Variants in DDHD1 observed in about 807,000 individuals in gnomAD.
DDHD1 encodes phospholipase DDHD1.
DDHD1 carries 49 observed loss-of-function variants against 96.4 expected under a neutral mutation model. That is an observed-to-expected ratio of 0.51 (90% CI 0.40 to 0.64). The LOEUF is 0.64. Ranked by LOEUF, DDHD1 falls within the 30% of genes least tolerant of loss-of-function variation. The pLI is 0.00. For missense variants in DDHD1, 1,106 were observed against 1,161.2 expected, an observed-to-expected ratio of 0.95 and a Z score of 0.69; for synonymous variants, 442 against 446.5, an observed-to-expected ratio of 0.99 and a Z score of 0.13.
intron 1 of DDHD1, among the ~76,000 whole-genome samples, chr14:53,107,503 A>C (rs1386951606): frequency 6.6e-6 from 1 of 152,162 alleles, no homozygotes; most frequent in Non-Finnish European, 1.5e-5. Flanking sequence ...TAAAACTTGT[A>C]ATTGTGGCTG....
rs117863201 is a variant in DDHD1, at chr14:53,139,761, C to A, written c.838+12500G>T. 6.3e-3 allele frequency among the ~76,000 whole-genome samples: 954 copies of A among 151,424 alleles called. 9 individuals carry two copies. The highest frequency in any genetic ancestry group is 0.02 in the South Asian group (98 of 4,786). ...TTTCTAGGCATAAATACTCTACTGC[C>A]CACCACAAGATGTCCAACTTTAAAT... On this transcript the variant is annotated intron_variant, in intron 1 of 12. Transcript: ENST00000673822.
chr14:53,149,126 C>T (rs1891184508), intron 1 of DDHD1, among the ~76,000 whole-genome samples: 1 of 152,198 alleles, frequency 6.6e-6, no homozygotes, highest in African/African-American at 2.4e-5. Flanking sequence ...AAGACAAATT[C>T]TGTTCTCCTT....
intron 6 of DDHD1, among the ~76,000 whole-genome samples, chr14:53,066,463 T>C (rs1418523061): frequency 6.6e-6 from 1 of 152,134 alleles, no homozygotes; most frequent in Non-Finnish European, 1.5e-5. Flanking sequence ...TCTATTTGAC[T>C]ACAAAGGCTC....
intron 1 of DDHD1, 146 bp downstream of exon 1, chr14:53,152,115 T>C: frequency 2.5e-6 from 2 of 789,744 alleles, no homozygotes; most frequent in Non-Finnish European, 3.7e-6. Context: ...CTGCCGACGC[T>C]CCCTGCTCAA....
chr14:53,148,494 G>A (rs1160786120), intron 1 of DDHD1, among the ~76,000 whole-genome samples: 1 of 151,156 alleles, frequency 6.6e-6, no homozygotes, highest in Non-Finnish European at 1.5e-5. Context: ...TGTACTTTTA[G>A]GAGAGACAGG....
At chr14:53,128,738 T>A (rs1889644774) in intron 1 of DDHD1, among the ~76,000 whole-genome samples, 1 of 152,196 alleles carries the variant, frequency 6.6e-6, no homozygotes, top group South Asian at 2.1e-4. Context: ...AGCCCATAAC[T>A]GCATAATGTC....
At chr14:53,141,823 T>A (rs1039483707) in intron 1 of DDHD1, among the ~76,000 whole-genome samples, 4 of 152,190 alleles carry the variant, frequency 2.6e-5, no homozygotes, top group Non-Finnish European at 5.9e-5. Flanking sequence ...TACATGTGTG[T>A]ATGTACGTGT....
At position 53,046,546 on chromosome 14, in the gene DDHD1, G is replaced by C. The variant is rs1159692696; in HGVS notation, c.*222C>G. Reference sequence around the variant, plus strand: ...AGGTCTTGCTTGATTCTCTGGAGAAGGTTTTGTCAGACTCATAATTAAAAT... The same window carrying C: ...AGGTCTTGCTTGATTCTCTGGAGAACGTTTTGTCAGACTCATAATTAAAAT... On this transcript the variant is annotated 3_prime_UTR_variant, in exon 13 of 13. Coordinates refer to ENST00000673822, the MANE Select transcript of DDHD1 (RefSeq NM_001160148.2). The C allele has an allele frequency of 9.1e-6, 3 of 328,592 alleles. No homozygotes were observed. Among genetic ancestry groups the C allele is most frequent in the African/African-American group, 2.1e-5 (1 of 46,836 alleles). The allele number at this position is 328,592 out of a possible 1,614,324, so 20.4% of individuals were successfully genotyped here.
At chr14:53,121,805 C>T (rs1889011781) in intron 1 of DDHD1, among the ~76,000 whole-genome samples, 1 of 151,884 alleles carries the variant, frequency 6.6e-6, no homozygotes, top group African/African-American at 2.4e-5. Context: ...AGGATAAATA[C>T]CTAATGCATG....
At chr14:53,131,676 A>G (rs889701041) in intron 1 of DDHD1, among the ~76,000 whole-genome samples, 2 of 152,124 alleles carry the variant, frequency 1.3e-5, no homozygotes, top group Non-Finnish European at 2.9e-5. Flanking sequence ...GACAGTCCCC[A>G]TTACTTTAGT....
intron 6 of DDHD1, among the ~76,000 whole-genome samples, chr14:53,065,133 T>G (rs1883912913): frequency 6.6e-6 from 1 of 152,174 alleles, no homozygotes; most frequent in Non-Finnish European, 1.5e-5. Flanking sequence ...TTTCAAAAGT[T>G]TAAAACAATT....
At chr14:53,087,616 G>C (rs1184035643) in intron 4 of DDHD1, among the ~76,000 whole-genome samples, 2 of 152,112 alleles carry the variant, frequency 1.3e-5, no homozygotes, top group Non-Finnish European at 2.9e-5. Flanking sequence ...AAACCAATGA[G>C]AACAAAGACA....
At chr14:53,140,595 C>G (rs775451777) in intron 1 of DDHD1, among the ~76,000 whole-genome samples, 34 of 151,874 alleles carry the variant, frequency 2.2e-4, no homozygotes, top group African/African-American at 8.2e-4. Flanking sequence ...GAAAAAGTAT[C>G]CCTAAAAACT....
chr14:53,095,975 T>C (rs1028510163), intron 2 of DDHD1: 2 of 208,092 alleles, frequency 9.6e-6, no homozygotes, highest in Admixed American at 1.3e-4. Context: ...CCAATATTTA[T>C]ACACATAATA....
In DDHD1 at chr14:53,152,251, C is replaced by T. The variant is rs2139933095; in HGVS notation, c.838+10G>A. On this transcript the variant is annotated intron_variant, in intron 1 of 12. Coordinates refer to ENST00000673822, the MANE Select transcript of DDHD1 (RefSeq NM_001160148.2). Reference sequence around the variant, plus strand: ...AGCCCGTCCTGCCCTAACCCCGGCCCGCTACTCACGGTTCCAGTACACCGG... The same window carrying T: ...AGCCCGTCCTGCCCTAACCCCGGCCTGCTACTCACGGTTCCAGTACACCGG... 6.3e-7 allele frequency: 1 copy of T among 1,590,146 alleles called. No individual in the cohort carries two copies. The highest frequency in any genetic ancestry group is 1.7e-5 in the Admixed American group (1 of 58,398).
intron 6 of DDHD1, among the ~76,000 whole-genome samples, chr14:53,063,933 A>G (rs1353509782): frequency 6.6e-6 from 1 of 152,138 alleles, no homozygotes; most frequent in African/African-American, 2.4e-5. Context: ...AATATTCCAT[A>G]AAGTCAGAAG....
chr14:53,113,643 G>A (rs1056121368), intron 1 of DDHD1, among the ~76,000 whole-genome samples: 4 of 152,176 alleles, frequency 2.6e-5, no homozygotes, highest in African/African-American at 9.7e-5. Flanking sequence ...CAAGGAGCCA[G>A]GGGACCTCCC....
chr14:53,087,839 C>A (rs903402672), intron 4 of DDHD1, among the ~76,000 whole-genome samples: 3 of 151,956 alleles, frequency 2.0e-5, no homozygotes, highest in Non-Finnish European at 4.4e-5. Context: ...AATAGCGACA[C>A]AAAAAACCCT....
At chr14:53,115,990 G>T (rs149364149) in intron 1 of DDHD1, among the ~76,000 whole-genome samples, 1,532 of 152,216 alleles carry the variant, frequency 0.01, 31 homozygotes, top group African/African-American at 0.035. Flanking sequence ...CATCTCATGT[G>T]CAAAGACACA....
Sources: gnomAD v4.1 joint callset for allele counts (sites outside exome capture counted in the v4.1 genomes callset) on GRCh38, gnomAD v4.1.1 for gene constraint, MANE v1.5 for transcripts, NCBI Gene and HGNC (gene_info 2026-07-23, HGNC 2026-07-21) for gene names.